The following DGKI variants were observed in gnomAD, a reference collection of about 807,000 sequenced individuals.
DGKI encodes DAG kinase iota.
In DGKI, 55 loss-of-function variants were observed where a neutral mutation model predicts 147.5. That is an observed-to-expected ratio of 0.37 (90% confidence interval 0.30 to 0.47). The LOEUF (loss-of-function observed/expected upper bound fraction) is 0.47. DGKI is among the 20% of genes least tolerant of loss of function. The pLI is 1.00. For synonymous variants in DGKI, 469 were observed against 477.1 expected (o/e 0.98, Z 0.22); for missense variants, 1,007 against 1,323.8 (o/e 0.76, Z 3.71).
chr7:137,767,169 C>T (rs974185393), intron 1 of DGKI, among the ~76,000 whole-genome samples: 2 of 152,180 alleles, frequency 1.3e-5, no homozygotes, highest in African/African-American at 4.8e-5. Context: ...TGTATGTGAC[C>T]TGATGGCTGC....
intron 23 of DGKI, among the ~76,000 whole-genome samples, chr7:137,482,979 C>T (rs1346920802): frequency 6.6e-6 from 1 of 152,026 alleles, no homozygotes; most frequent in Non-Finnish European, 1.5e-5. Context: ...TTTGATGTGG[C>T]ATTTATAATG....
intron 27 of DGKI, 131 bp from the exon 28 acceptor site, chr7:137,444,233 T>G: frequency 1.7e-6 from 1 of 572,042 alleles, no homozygotes; most frequent in Non-Finnish European, 3.0e-6. Context: ...GTGTAATTAA[T>G]GTGTTGATTG....
intron 1 of DGKI, among the ~76,000 whole-genome samples, chr7:137,799,943 T>C (rs1169907971): frequency 6.6e-6 from 1 of 152,224 alleles, no homozygotes; most frequent in South Asian, 2.1e-4. Context: ...TTTAATGGCA[T>C]TAGAAATCAC....
Position 137,689,923 on chromosome 7 carries a change from T to C in DGKI, c.481A>G (p.Lys161Glu), listed in dbSNP as rs1314859069. 2 of 1,607,192 alleles carry C rather than the reference T, an allele frequency of 1.2e-6. No homozygotes were observed. The highest frequency in any genetic ancestry group is 1.3e-5 in the African/African-American group (1 of 74,576). ...CAGTCCAAAGTCGCTCTGGGCTCCT[T>C]GGCTGGACCATTTGCCACAGGAAGG... ...LSLPVANGPA[K>E]EPRATLDWSE... The change falls in exon 2 of 33, where the codon AAG (lysine) becomes GAG (glutamate). Residue 161 changes from lysine to glutamate, a missense_variant. Around this residue, in one of 5 missense-constraint regions of DGKI, gnomAD observed 259 missense variants for 362.5 expected, o/e 0.71. Transcript: ENST00000614521.
intron 1 of DGKI, among the ~76,000 whole-genome samples, chr7:137,805,104 G>C (rs1797326079): frequency 6.6e-6 from 1 of 152,192 alleles, no homozygotes; most frequent in Non-Finnish European, 1.5e-5. Context: ...TGTATTGAGT[G>C]CTATTTTGCC....
At chr7:137,720,281 A>G (rs1321520080) in intron 1 of DGKI, among the ~76,000 whole-genome samples, 7 of 116,276 alleles carry the variant, frequency 6.0e-5, no homozygotes, top group African/African-American at 9.9e-5. Flanking sequence ...TTTTTGAGAC[A>G]GAGTCTCGCT....
intron 30 of DGKI, among the ~76,000 whole-genome samples, chr7:137,398,920 T>G (rs1020444768): frequency 5.3e-5 from 8 of 152,014 alleles, no homozygotes; most frequent in Non-Finnish European, 8.8e-5. Context: ...TCATATCTAC[T>G]GCTTACTTGC....
chr7:137,756,289 C>G (rs1253728702), intron 1 of DGKI, among the ~76,000 whole-genome samples: 1 of 152,172 alleles, frequency 6.6e-6, no homozygotes, highest in African/African-American at 2.4e-5. Context: ...TCCTTGTTAT[C>G]AGGCTCCAAG....
intron 1 of DGKI, among the ~76,000 whole-genome samples, chr7:137,704,102 T>G (rs547651467): frequency 1.3e-5 from 2 of 152,116 alleles, no homozygotes; most frequent in Non-Finnish European, 1.5e-5. Context: ...TTCCAGCTAC[T>G]CAGGAGGCTG....
At chr7:137,775,221 C>T (rs1655401147) in intron 1 of DGKI, among the ~76,000 whole-genome samples, 1 of 152,136 alleles carries the variant, frequency 6.6e-6, no homozygotes, top group South Asian at 2.1e-4. Context: ...GATTAAGTCA[C>T]GAAGCTATGA....
intron 17 of DGKI, among the ~76,000 whole-genome samples, chr7:137,576,043 C>CTTTTTCT (rs1818959451): frequency 7.4e-6 from 1 of 135,064 alleles, no homozygotes; most frequent in African/African-American, 2.8e-5. Flanking sequence ...TTTTCTTTTT[C>CTTTTTCT]TTTTTTTTTT....
At chr7:137,691,469 G>T (rs533838056) in intron 1 of DGKI, among the ~76,000 whole-genome samples, 1 of 152,284 alleles carries the variant, frequency 6.6e-6, no homozygotes, top group Admixed American at 6.5e-5. Context: ...GTGGAATGGA[G>T]AAAAGGAAAG....
intron 1 of DGKI, among the ~76,000 whole-genome samples, chr7:137,822,035 C>A (rs1797919013): frequency 6.6e-6 from 1 of 152,184 alleles, no homozygotes; most frequent in Admixed American, 6.5e-5. Flanking sequence ...GAAAATACAA[C>A]CGCAGCTGGG....
chr7:137,844,463 A>T (rs1798651887), intron 1 of DGKI, among the ~76,000 whole-genome samples: 1 of 152,218 alleles, frequency 6.6e-6, no homozygotes, highest in South Asian at 2.1e-4. Context: ...ACCCACAGAC[A>T]GTTTGATTCT....
intron 20 of DGKI, among the ~76,000 whole-genome samples, chr7:137,550,813 A>G (rs189741582): frequency 7.9e-5 from 12 of 152,302 alleles, no homozygotes; most frequent in African/African-American, 2.4e-4. Context: ...CTTCTTAACT[A>G]TCTACAAGTG....
At chr7:137,636,954 T>A (rs1191294913) in intron 6 of DGKI, among the ~76,000 whole-genome samples, 1 of 152,210 alleles carries the variant, frequency 6.6e-6, no homozygotes, top group African/African-American at 2.4e-5. Context: ...CCATGCTTCT[T>A]GTACAGCCTG....
chr7:137,694,598 A>T (rs1157777678), intron 1 of DGKI, among the ~76,000 whole-genome samples: 1 of 152,214 alleles, frequency 6.6e-6, no homozygotes, highest in South Asian at 2.1e-4. Context: ...AGATTGACAC[A>T]TTAGAGACTG....
chr7:137,802,180 T>C (rs1431310037), intron 1 of DGKI, among the ~76,000 whole-genome samples: 2 of 152,072 alleles, frequency 1.3e-5, no homozygotes, highest in African/African-American at 4.8e-5. Context: ...AAGTGGAAGC[T>C]AAGCTATGAG....
chr7:137,844,551 T>A (rs1247716598), intron 1 of DGKI, among the ~76,000 whole-genome samples: 1 of 152,208 alleles, frequency 6.6e-6, no homozygotes. Flanking sequence ...TGTAAAGCTT[T>A]ATTTAAAAGG....
Sources: gnomAD v4.1 joint callset for allele counts (sites outside exome capture counted in the v4.1 genomes callset) on GRCh38, gnomAD v4.1.1 for gene constraint, gnomAD v4.1.1 regional missense constraint, MANE v1.5 for transcripts, NCBI Gene and HGNC (gene_info 2026-07-23, HGNC 2026-07-21) for gene names.